DNAI3: variants seen among roughly 807,000 people sequenced by gnomAD.
DNAI3 encodes the protein WD repeat domain 63.
DNAI3 carries 83 observed loss-of-function variants against 115.5 expected under a neutral mutation model. That is an observed-to-expected ratio of 0.72 (90% CI 0.60 to 0.86). The LOEUF (loss-of-function observed/expected upper bound fraction) is 0.86. DNAI3 is among the 40% of genes least tolerant of loss of function. The pLI, the probability that DNAI3 is intolerant of heterozygous loss-of-function variation, is 0.00. For missense variants in DNAI3, 1,004 were observed against 1,075.8 expected (o/e 0.93, Z 0.93); for synonymous variants, 320 against 347.0 (o/e 0.92, Z 0.86).
At chr1:85,110,355 G>A (rs368892739) in intron 16 of DNAI3, among the ~76,000 whole-genome samples, 2 of 151,768 alleles carry the variant, frequency 1.3e-5, no homozygotes, top group East Asian at 1.9e-4. Context: ...GGAGGCTGAG[G>A]CAGGAGAATG....
intron 16 of DNAI3, among the ~76,000 whole-genome samples, chr1:85,112,238 A>G (rs1193569982): frequency 6.6e-6 from 1 of 152,148 alleles, no homozygotes; most frequent in Non-Finnish European, 1.5e-5. Context: ...TTTAATCAGC[A>G]TGATTATTTT....
intron 11 of DNAI3, 108 bp from the exon 12 acceptor site, chr1:85,097,461 C>T: frequency 1.1e-6 from 1 of 907,010 alleles, no homozygotes; most frequent in Non-Finnish European, 1.6e-6. Flanking sequence ...ATTTGATTAT[C>T]CCCTAAGGTG....
chr1:85,090,252 A>T lies in DNAI3; in HGVS notation c.857+20A>T, dbSNP rs535561324. The stretch of plus-strand genomic sequence containing the variant: ...CATAAGGTAAAAAATTGCATATTAA[A>T]TTTTAAAAATAAAACATAAAATGTA... On this transcript the variant is annotated intron_variant, in intron 8 of 22. Coordinates refer to ENST00000294664, the MANE Select transcript of DNAI3 (RefSeq NM_145172.5). The T allele has an allele frequency of 3.7e-5, 51 of 1,383,402 alleles. No individual in the cohort carries two copies. The South Asian group carries it at 6.9e-4, about 19-fold the overall frequency. The allele number at this position is 1,383,402 out of a possible 1,614,324, so 85.7% of individuals were successfully genotyped here.
At chr1:85,072,406 G>A (rs1206406509) in intron 2 of DNAI3, among the ~76,000 whole-genome samples, 4 of 152,176 alleles carry the variant, frequency 2.6e-5, no homozygotes, top group African/African-American at 9.7e-5. Context: ...CACTTTGGGA[G>A]GCCGAGGCGG....
intron 1 of DNAI3, among the ~76,000 whole-genome samples, chr1:85,070,149 T>G (rs1351473453): frequency 6.6e-6 from 1 of 152,024 alleles, no homozygotes; most frequent in African/African-American, 2.4e-5. Flanking sequence ...TAGTCCCAGC[T>G]ACTTGGGAGG....
intron 1 of DNAI3, among the ~76,000 whole-genome samples, chr1:85,066,314 C>CATTTTTTTTTTTTT (rs1553164760): frequency 2.9e-5 from 2 of 70,014 alleles, no homozygotes; most frequent in Non-Finnish European, 5.1e-5. Context: ...TTCTGCTACT[C>CATTTTTTTTTTTTT]TTTTTTTTTT....
At position 85,085,855 on chromosome 1, in the gene DNAI3, C is replaced by T. The variant is rs200486138; in HGVS notation, c.565C>T (p.Arg189Ter). The part of the protein sequence containing the change: ...KQITYMISRK[R>*]SEFGAPIKFS... ...GATTACATATATGATTTCTCGAAAA[C>T]GAAGTGAATTTGGTGCACCAATTAA... The change falls in exon 7 of 23, where the codon CGA (arginine) becomes TGA (stop). Residue 189 changes from arginine (R) to a stop codon, truncating the protein, a stop_gained. Transcript: ENST00000294664. LOFTEE classifies it high-confidence loss of function. The T allele has an allele frequency of 1.2e-4, 189 of 1,613,934 alleles. No homozygotes were observed. Among genetic ancestry groups the T allele is most frequent in the Non-Finnish European group, 1.2e-4 (143 of 1,180,002 alleles).
rs12029771 is a variant in DNAI3 at position 85,082,385 on chromosome 1, G to C, written c.371G>C (p.Gly124Ala). 1 of 1,613,040 alleles carries C rather than the reference G, an allele frequency of 6.2e-7. No individual in the cohort carries two copies. The highest frequency in any genetic ancestry group is 8.5e-7 in the Non-Finnish European group (1 of 1,179,218). Residue 124 changes from glycine (G) to alanine (A), a missense_variant, in exon 5 of 23, where the codon GGC becomes GCC. By Grantham distance (60) the Gly-to-Ala change is moderately conservative. Transcript: ENST00000294664. Reference sequence around the variant, plus strand: ...TTTTATCTTATTGCAACTGAAGAGGGCAAAGAAAACTATTTAAATGTGAGC... The same window carrying C: ...TTTTATCTTATTGCAACTGAAGAGGCCAAAGAAAACTATTTAAATGTGAGC... The part of the protein sequence containing the change: ...LNFYLIATEE[G>A]KENYLNPPEV...
intron 22 of DNAI3, among the ~76,000 whole-genome samples, chr1:85,131,336 C>T (rs1656314111): frequency 1.3e-5 from 2 of 149,788 alleles, no homozygotes; most frequent in African/African-American, 2.5e-5. Context: ...CCCAGCTACT[C>T]GGGAGGCTGA....
intron 19 of DNAI3, 92 bp downstream of exon 19, chr1:85,124,343 TTTGGGACACTTTTTAGAGAAATTAG>T: frequency 6.4e-7 from 1 of 1,567,622 alleles, no homozygotes; most frequent in African/African-American, 1.3e-5. Context: ...TAATAGTGCC[TTTGGGACACTTTTTAGAGAAATTAG>T]AACAGATGGC....
chr1:85,092,736 A>G (rs1186498308), intron 8 of DNAI3, among the ~76,000 whole-genome samples: 1 of 150,846 alleles, frequency 6.6e-6, no homozygotes, highest in Non-Finnish European at 1.5e-5. Flanking sequence ...GCATTGCAGG[A>G]GGTTTGGTAA....
In DNAI3 at chr1:85,110,039, T is replaced by G; in HGVS notation, c.1699-9T>G. The G allele has an allele frequency of 6.2e-7, 1 of 1,611,568 alleles. No individual in the cohort carries two copies. Among genetic ancestry groups the G allele is most frequent in the South Asian group, 1.1e-5 (1 of 91,000 alleles). ...TGGAAATAATCTTTGCTATATGTTCTCCCAAAAGGTAAGGCTGTCCAAGGG... is the reference window on the plus strand; with the variant it reads ...TGGAAATAATCTTTGCTATATGTTCGCCCAAAAGGTAAGGCTGTCCAAGGG... On this transcript the variant is annotated splice_polypyrimidine_tract_variant and intron_variant, in intron 15 of 22. Transcript: ENST00000294664.
At chr1:85,121,097 C>A (rs775651076) in intron 17 of DNAI3, among the ~76,000 whole-genome samples, 1 of 152,144 alleles carries the variant, frequency 6.6e-6, no homozygotes, top group Non-Finnish European at 1.5e-5. Context: ...CCAATGACAG[C>A]GAGGGACTAA....
At chr1:85,087,008 T>C (rs554546740) in intron 7 of DNAI3, among the ~76,000 whole-genome samples, 2 of 152,178 alleles carry the variant, frequency 1.3e-5, no homozygotes, top group African/African-American at 4.8e-5. Context: ...CCTCATTCCT[T>C]GATTCACCAC....
intron 7 of DNAI3, among the ~76,000 whole-genome samples, chr1:85,087,262 C>T (rs1557712072): frequency 6.6e-6 from 1 of 151,596 alleles, no homozygotes; most frequent in Non-Finnish European, 1.5e-5. Context: ...ACGGTGAAAC[C>T]CCGTCTTTAC....
At chr1:85,074,081 C>T (rs530224734) in intron 3 of DNAI3, among the ~76,000 whole-genome samples, 1 of 152,272 alleles carries the variant, frequency 6.6e-6, no homozygotes, top group East Asian at 1.9e-4. Flanking sequence ...TCCCTCCACA[C>T]CTCCCTACCC....
Position 85,093,610 on chromosome 1 carries a change from A to G in DNAI3, c.1010A>G (p.Lys337Arg). 2 of 1,614,198 alleles carry G rather than the reference A, an allele frequency of 1.2e-6. No homozygotes were observed. Among genetic ancestry groups the G allele is most frequent in the East Asian group, 2.2e-5 (1 of 44,878 alleles). Residue 337 changes from lysine to arginine, a missense_variant, in exon 9 of 23, where the codon AAA becomes AGA. Transcript: ENST00000294664. ...SFTDLHSPTE[K>R]MITCVSWHPT... ...ACCGACCTTCATAGCCCAACGGAGA[A>G]AATGATTACCTGTGTCTCATGGCAT... is the stretch of plus-strand genomic sequence containing the variant.
chr1:85,093,329 C>A, intron 8 of DNAI3, 129 bp from the exon 9 acceptor site: 1 of 890,388 alleles, frequency 1.1e-6, no homozygotes, highest in Non-Finnish European at 1.7e-6. Flanking sequence ...TAATCATTAT[C>A]ACCAAATATA....
rs1192239295 is a variant in DNAI3 at position 85,092,363 on chromosome 1, CT to C, written c.858-1094del. Among the ~76,000 whole-genome samples the C allele has an allele frequency of 1.2e-4, 19 of 152,260 alleles. 1 individual carries two copies. Among genetic ancestry groups the C allele is most frequent in the Admixed American group, 7.9e-4 (12 of 15,286 alleles). On this transcript the variant is annotated intron_variant, in intron 8 of 22. Coordinates refer to ENST00000294664, the MANE Select transcript of DNAI3 (RefSeq NM_145172.5). ...TATATTTTAGGAGTATCTGTTTTTA[CT>C]GTTTATATTGAACTATCTAAAGGAT... is the stretch of plus-strand genomic sequence containing the variant.
Sources: gnomAD v4.1 joint callset for allele counts (sites outside exome capture counted in the v4.1 genomes callset) on GRCh38, gnomAD v4.1.1 for gene constraint, MANE v1.5 for transcripts, NCBI Gene and HGNC (gene_info 2026-07-23, HGNC 2026-07-21) for gene names.